DORIP1: variants seen among roughly 807,000 people sequenced by gnomAD.
DORIP1 encodes dopamine receptor interacting protein 1.
At chr14:44,904,582 T>A in the DORIP1 span, 1 of 1,481,318 alleles carries the variant, frequency 6.8e-7, no homozygotes, top group Non-Finnish European at 9.0e-7. Context: ...AAATTTATCC[T>A]GTTATATTAT....
chr14:44,904,451 T>G, the DORIP1 span: 1 of 1,612,144 alleles, frequency 6.2e-7, no homozygotes, highest in South Asian at 1.1e-5. Context: ...GCACCCCCTT[T>G]TGTTGTCTTA....
At chr14:44,900,882 C>T in the DORIP1 span, 4 of 1,613,634 alleles carry the variant, frequency 2.5e-6, no homozygotes, top group East Asian at 4.5e-5. Context: ...TCATGTCTAC[C>T]ATTCAAGAGA....
the DORIP1 span, among the ~76,000 whole-genome samples, chr14:44,899,824 A>ATTTT: frequency 1.7e-4 from 20 of 115,274 alleles, no homozygotes; most frequent in South Asian, 5.7e-4. Context: ...TCATTTAGGA[A>ATTTT]TTTTTTTTTT....
At chr14:44,905,766 G>A in the DORIP1 span, 10 of 313,126 alleles carry the variant, frequency 3.2e-5, no homozygotes, top group Admixed American at 4.9e-5. Context: ...ATTTTTATAT[G>A]AGCATATTTT....
At chr14:44,903,258 G>A in the DORIP1 span, 1 of 1,613,462 alleles carries the variant, frequency 6.2e-7, no homozygotes, top group Non-Finnish European at 8.5e-7. Flanking sequence ...CTGTGAATGA[G>A]TTATTCTGTT....
the DORIP1 span, chr14:44,900,789 C>T: frequency 1.9e-6 from 3 of 1,614,092 alleles, no homozygotes; most frequent in South Asian, 3.3e-5. Flanking sequence ...AACAGCAATA[C>T]AAATCTGAAG....
At chr14:44,903,232 A>G in the DORIP1 span, 1 of 1,613,226 alleles carries the variant, frequency 6.2e-7, no homozygotes, top group Non-Finnish European at 8.5e-7. Context: ...TCCACATGGA[A>G]ACTTGATAAG....
chr14:44,903,195 T>A, the DORIP1 span: 1 of 1,577,230 alleles, frequency 6.3e-7, no homozygotes, highest in Non-Finnish European at 8.7e-7. Flanking sequence ...ATGCATTTAA[T>A]AATTATTATA....
At chr14:44,903,147 TA>T in the DORIP1 span, 2 of 1,225,344 alleles carry the variant, frequency 1.6e-6, no homozygotes, top group Non-Finnish European at 2.4e-6. Flanking sequence ...AAATTTGTTA[TA>T]ATATATTAAG....
chr14:44,901,394 T>C, the DORIP1 span, among the ~76,000 whole-genome samples: 1 of 152,248 alleles, frequency 6.6e-6, no homozygotes, highest in South Asian at 2.1e-4. Context: ...TATAATTACT[T>C]AGGCATGAAG....
At chr14:44,903,231 A>G in the DORIP1 span, 1 of 1,613,082 alleles carries the variant, frequency 6.2e-7, no homozygotes, top group Admixed American at 1.7e-5. Flanking sequence ...TTCCACATGG[A>G]AACTTGATAA....
At chr14:44,900,856 A>G in the DORIP1 span, 2 of 1,614,106 alleles carry the variant, frequency 1.2e-6, no homozygotes, top group Non-Finnish European at 1.7e-6. Context: ...TAATTTTACA[A>G]AAAATCTTGA....
chr14:44,899,542 G>C, the DORIP1 span, among the ~76,000 whole-genome samples: 1 of 151,304 alleles, frequency 6.6e-6, no homozygotes, highest in Admixed American at 6.6e-5. Flanking sequence ...CTAAATGTCA[G>C]AATTAGTCTT....
the DORIP1 span, chr14:44,904,135 T>C: frequency 1.0e-6 from 1 of 985,310 alleles, no homozygotes; most frequent in African/African-American, 1.7e-5. Context: ...GAGTTATGCT[T>C]TCATAGGCTT....
chr14:44,903,536 T>C, the DORIP1 span: 12 of 1,097,724 alleles, frequency 1.1e-5, no homozygotes, highest in Non-Finnish European at 1.3e-5. Flanking sequence ...CAATAAAACC[T>C]TGGTTAACTG....
the DORIP1 span, among the ~76,000 whole-genome samples, chr14:44,900,035 T>C: frequency 6.6e-6 from 1 of 152,040 alleles, no homozygotes; most frequent in Non-Finnish European, 1.5e-5. Context: ...TTCTCCATGT[T>C]GGTCAGGCTG....
the DORIP1 span, chr14:44,905,272 A>G: frequency 5.0e-6 from 4 of 800,982 alleles, no homozygotes; most frequent in African/African-American, 3.5e-5. Context: ...AATACAAACA[A>G]TGTCAATGTT....
chr14:44,904,133 C>T, the DORIP1 span: 3 of 985,234 alleles, frequency 3.0e-6, no homozygotes, highest in Non-Finnish European at 3.6e-6. Context: ...CAGAGTTATG[C>T]TTTCATAGGC....
the DORIP1 span, chr14:44,900,994 CT>C: frequency 5.9e-6 from 9 of 1,529,314 alleles, no homozygotes; most frequent in Non-Finnish European, 7.0e-6. Flanking sequence ...GTCACTTTTA[CT>C]TTTTTTAATG....
Sources: allele counts gnomAD v4.1 joint callset (sites outside exome capture counted in the v4.1 genomes callset), GRCh38; gene constraint gnomAD v4.1.1; transcripts MANE v1.5; gene names NCBI Gene and HGNC (gene_info 2026-07-23, HGNC 2026-07-21).